KCNT2: variants seen among roughly 807,000 people sequenced by gnomAD.
The protein encoded by KCNT2 is potassium channel subfamily T member 2.
In KCNT2, 67 loss-of-function variants were observed where a neutral mutation model predicts 153.8. That is an observed-to-expected ratio of 0.44 (90% confidence interval 0.36 to 0.53). The LOEUF is 0.53. Ranked by LOEUF, KCNT2 falls within the 20% of genes least tolerant of loss-of-function variation. The probability of loss-of-function intolerance (pLI) is 0.00; values close to 1 mark genes in which losing one functional copy is unlikely to be tolerated. For missense variants in KCNT2, 975 were observed against 1,354.8 expected (o/e 0.72, Z 4.40); for synonymous variants, 500 against 458.8 (o/e 1.09, Z -1.15).
At chr1:196,552,148 A>G (rs567205453) in intron 1 of KCNT2, among the ~76,000 whole-genome samples, 6 of 151,634 alleles carry the variant, frequency 4.0e-5, no homozygotes, top group African/African-American at 1.4e-4. Context: ...TAAAATAAAT[A>G]GAAAAAATGA....
intron 1 of KCNT2, among the ~76,000 whole-genome samples, chr1:196,548,043 T>C (rs1572790477): frequency 6.6e-6 from 1 of 152,030 alleles, no homozygotes; most frequent in South Asian, 2.1e-4. Flanking sequence ...TTTATGGTGC[T>C]ACTCATTAAA....
chr1:196,548,436 A>G (rs1036231574), intron 1 of KCNT2, among the ~76,000 whole-genome samples: 1 of 152,140 alleles, frequency 6.6e-6, no homozygotes, highest in African/African-American at 2.4e-5. Context: ...AGAGAAATGC[A>G]AATCAAAACC....
chr1:196,350,535 C>T (rs2148211435), intron 14 of KCNT2, among the ~76,000 whole-genome samples: 1 of 151,786 alleles, frequency 6.6e-6, no homozygotes, highest in South Asian at 2.1e-4. Flanking sequence ...ATATCCTTTG[C>T]CCACTTTTTG....
intron 22 of KCNT2, among the ~76,000 whole-genome samples, chr1:196,288,827 G>T (rs1659916511): frequency 6.6e-6 from 1 of 152,072 alleles, no homozygotes; most frequent in South Asian, 2.1e-4. Flanking sequence ...CAGTGGACAG[G>T]TCCACCTGCC....
At chr1:196,387,521 G>A (rs192370540) in intron 13 of KCNT2, among the ~76,000 whole-genome samples, 99 of 151,740 alleles carry the variant, frequency 6.5e-4, no homozygotes, top group Middle Eastern at 3.4e-3. Context: ...GCACTTTCTT[G>A]CTCAAACCAT....
intron 1 of KCNT2, among the ~76,000 whole-genome samples, chr1:196,584,624 T>C (rs1216286676): frequency 6.6e-6 from 1 of 152,094 alleles, no homozygotes; most frequent in African/African-American, 2.4e-5. Flanking sequence ...GAACATATTT[T>C]CAGAAAAGTA....
rs35281888 is a variant in KCNT2, at chr1:196,344,873, AT to A, written c.1404-2646del. Among the ~76,000 whole-genome samples, 939 of 150,752 alleles carry A rather than the reference AT, an allele frequency of 6.2e-3. 12 individuals carry two copies. Among genetic ancestry groups the A allele is most frequent in the African/African-American group, 0.021 (878 of 41,168 alleles). ...TTTTTTAGGATGTCATTTCGTTGGA[AT>A]TTTTTTTTTCTTTATGATTTCTTCA... On this transcript the variant is annotated intron_variant, in intron 14 of 27. Coordinates refer to ENST00000294725, the MANE Select transcript of KCNT2 (RefSeq NM_198503.5).
At chr1:196,297,911 C>T (rs1007919431) in intron 22 of KCNT2, among the ~76,000 whole-genome samples, 1 of 152,062 alleles carries the variant, frequency 6.6e-6, no homozygotes, top group Non-Finnish European at 1.5e-5. Flanking sequence ...TGTTGTAATG[C>T]CTAGAATTCA....
intron 22 of KCNT2, among the ~76,000 whole-genome samples, chr1:196,290,377 T>G (rs568883583): frequency 2.6e-5 from 4 of 152,174 alleles, no homozygotes; most frequent in Admixed American, 2.6e-4. Context: ...CTTTCTAGAC[T>G]CTCCTTTATG....
chr1:196,555,465 A>G (rs1658516267), intron 1 of KCNT2, among the ~76,000 whole-genome samples: 1 of 151,312 alleles, frequency 6.6e-6, no homozygotes, highest in Non-Finnish European at 1.5e-5. Flanking sequence ...GATGTCTATA[A>G]TAAAAACTAT....
chr1:196,364,420 A>T (rs1667875427), intron 14 of KCNT2, among the ~76,000 whole-genome samples: 1 of 152,176 alleles, frequency 6.6e-6, no homozygotes, highest in Admixed American at 6.6e-5. Flanking sequence ...TTTGGCAACC[A>T]TATGAAATTA....
At chr1:196,425,491 T>C (rs1388086178) in intron 11 of KCNT2, among the ~76,000 whole-genome samples, 1 of 151,906 alleles carries the variant, frequency 6.6e-6, no homozygotes, top group East Asian at 1.9e-4. Context: ...TTTTTATATG[T>C]GGGATAAAAA....
intron 3 of KCNT2, among the ~76,000 whole-genome samples, chr1:196,486,895 A>G (rs187481808): frequency 5.9e-5 from 9 of 152,074 alleles, no homozygotes; most frequent in Non-Finnish European, 1.0e-4. Context: ...GGTGACCAAA[A>G]TATGAAAGCA....
chr1:196,351,630 T>C (rs1304292269), intron 14 of KCNT2, among the ~76,000 whole-genome samples: 1 of 152,012 alleles, frequency 6.6e-6, no homozygotes. Context: ...TTTCTAGATA[T>C]ACAATCATGT....
chr1:196,507,936 T>A (rs1490970134), intron 1 of KCNT2, among the ~76,000 whole-genome samples: 3 of 151,672 alleles, frequency 2.0e-5, no homozygotes, highest in Admixed American at 6.6e-5. Flanking sequence ...CTATACAGGA[T>A]GTTTGAGAAG....
At chr1:196,388,312 C>T (rs976913185) in intron 13 of KCNT2, among the ~76,000 whole-genome samples, 1 of 151,710 alleles carries the variant, frequency 6.6e-6, no homozygotes, top group Admixed American at 6.6e-5. Context: ...TTTAGTATTA[C>T]AGTAAAGCTT....
chr1:196,550,892 T>C (rs1268790712), intron 1 of KCNT2, among the ~76,000 whole-genome samples: 4 of 151,820 alleles, frequency 2.6e-5, no homozygotes, highest in African/African-American at 9.7e-5. Flanking sequence ...AAGGCAATGT[T>C]GGGAGATTAC....
At chr1:196,320,743 T>C (rs1663220801) in intron 19 of KCNT2, among the ~76,000 whole-genome samples, 1 of 151,692 alleles carries the variant, frequency 6.6e-6, no homozygotes, top group Non-Finnish European at 1.5e-5. Flanking sequence ...AAGAATACCA[T>C]TATTTTAATT....
chr1:196,448,516 A>C (rs1282990271), intron 8 of KCNT2, among the ~76,000 whole-genome samples: 1 of 151,598 alleles, frequency 6.6e-6, no homozygotes, highest in Non-Finnish European at 1.5e-5. Flanking sequence ...GCTAAGTAAA[A>C]TTGCATTACC....
Sources: gnomAD v4.1 joint callset for allele counts (sites outside exome capture counted in the v4.1 genomes callset) on GRCh38, gnomAD v4.1.1 for gene constraint, MANE v1.5 for transcripts, NCBI Gene and HGNC (gene_info 2026-07-23, HGNC 2026-07-21) for gene names.